SCD5: variants seen among roughly 807,000 people sequenced by gnomAD.
The protein encoded by SCD5 is stearoyl-CoA desaturase 5, also known as acyl-CoA-desaturase 4.
In SCD5, 20 loss-of-function variants were observed where a neutral mutation model predicts 30.4. The observed-to-expected ratio is 0.66, with a 90% CI of 0.46 to 0.96. The LOEUF (loss-of-function observed/expected upper bound fraction) is 0.96. SCD5 is among the 40% of genes least tolerant of loss of function. The pLI is 0.00. For missense variants in SCD5, 381 were observed against 443.3 expected, an observed-to-expected ratio of 0.86 and a Z score of 1.26; for synonymous variants, 173 against 176.4, an observed-to-expected ratio of 0.98 and a Z score of 0.16.
intron 3 of SCD5, among the ~76,000 whole-genome samples, chr4:82,649,806 T>C (rs1168936821): frequency 6.6e-6 from 1 of 152,192 alleles, no homozygotes; most frequent in Non-Finnish European, 1.5e-5. Flanking sequence ...GGGTCTCCTG[T>C]TGAAACATCC....
rs549883587 is a variant in SCD5 at position 82,751,712 on chromosome 4, T to C, written c.233-46299A>G. On this transcript the variant is annotated intron_variant, in intron 1 of 4. Transcript: ENST00000319540. ...TGCAATCTCCGCGCACTGCAACCTT[T>C]GACTCCCTGGTTCAAGCAATTCTCC... is the stretch of plus-strand genomic sequence containing the variant. Among the ~76,000 whole-genome samples the C allele has an allele frequency of 3.7e-3, 571 of 152,320 alleles. 3 individuals carry two copies. The highest frequency in any genetic ancestry group is 0.013 in the African/African-American group (546 of 41,572).
intron 3 of SCD5, among the ~76,000 whole-genome samples, chr4:82,638,354 T>C (rs892952932): frequency 7.9e-5 from 12 of 151,878 alleles, no homozygotes; most frequent in African/African-American, 2.7e-4. Flanking sequence ...GTGAGCTCCA[T>C]TGACAGGCAT....
chr4:82,691,497 G>A (rs748744729), intron 2 of SCD5, among the ~76,000 whole-genome samples: 1 of 152,184 alleles, frequency 6.6e-6, no homozygotes, highest in Non-Finnish European at 1.5e-5. Context: ...GGTATGAGAT[G>A]AGGTCTAAGA....
intron 1 of SCD5, among the ~76,000 whole-genome samples, chr4:82,798,080 T>TGGGGCGG (rs1436762424): frequency 1.5e-4 from 4 of 25,818 alleles, no homozygotes; most frequent in African/African-American, 4.1e-4. Flanking sequence ...CGCGGCGGGG[T>TGGGGCGG]GGGGGCGGGG....
At chr4:82,666,519 A>C (rs971410395) in intron 3 of SCD5, among the ~76,000 whole-genome samples, 2 of 152,146 alleles carry the variant, frequency 1.3e-5, no homozygotes, top group African/African-American at 2.4e-5. Context: ...CGTCTCAAAA[A>C]AAAAAGAAAG....
rs1259187586 is a variant in SCD5 at position 82,713,810 on chromosome 4, C to T, written c.233-8397G>A. Among the ~76,000 whole-genome samples the T allele has an allele frequency of 3.3e-5, 5 of 152,220 alleles. No homozygotes were observed. The East Asian group carries it at 9.6e-4, about 29-fold the overall frequency. On this transcript the variant is annotated intron_variant, in intron 1 of 4. Coordinates refer to ENST00000319540, the MANE Select transcript of SCD5 (RefSeq NM_001037582.3). The stretch of plus-strand genomic sequence containing the variant: ...TTTCCCCGATCCATATGCGGTCCCT[C>T]TCTCCTAGACATTGACCTCATACCT...
intron 1 of SCD5, among the ~76,000 whole-genome samples, chr4:82,783,437 G>C (rs569386651): frequency 1.3e-5 from 2 of 152,310 alleles, no homozygotes; most frequent in South Asian, 4.1e-4. Flanking sequence ...GATGACATTA[G>C]ACTTTCCACT....
chr4:82,733,580 T>C lies in SCD5; in HGVS notation c.233-28167A>G, dbSNP rs770189049. The stretch of plus-strand genomic sequence containing the variant: ...ACCTTATTATCTTGAAGCCTTCTAA[T>C]GTGTGGAGGGGGAAAAAGAAAAATA... On this transcript the variant is annotated intron_variant, in intron 1 of 4. Coordinates refer to ENST00000319540, the MANE Select transcript of SCD5 (RefSeq NM_001037582.3). 2.6e-5 allele frequency among the ~76,000 whole-genome samples: 4 copies of C among 151,980 alleles called. 1 individual carries two copies. The South Asian group carries it at 8.3e-4, about 31-fold the overall frequency.
intron 2 of SCD5, among the ~76,000 whole-genome samples, chr4:82,695,103 C>T (rs1230709996): frequency 1.3e-5 from 2 of 152,074 alleles, no homozygotes; most frequent in African/African-American, 4.8e-5. Context: ...CTGATGTTAA[C>T]CCCGGGTGGT....
intron 3 of SCD5, among the ~76,000 whole-genome samples, chr4:82,648,897 G>A (rs939490031): frequency 2.0e-5 from 3 of 152,096 alleles, no homozygotes; most frequent in African/African-American, 7.2e-5. Context: ...ACATTGATTC[G>A]AAGATCTCTT....
chr4:82,689,744 TA>T (rs924850054), intron 2 of SCD5, among the ~76,000 whole-genome samples: 1 of 152,156 alleles, frequency 6.6e-6, no homozygotes, highest in Non-Finnish European at 1.5e-5. Flanking sequence ...AATTACAAAA[TA>T]AAAATAGCAA....
intron 3 of SCD5, among the ~76,000 whole-genome samples, chr4:82,638,749 T>G (rs1218606372): frequency 1.3e-5 from 2 of 152,198 alleles, no homozygotes; most frequent in Non-Finnish European, 2.9e-5. Context: ...ATGAGTGTCT[T>G]GAGAAGTACC....
rs191270187 is a variant in SCD5, at chr4:82,735,157, G to C, written c.233-29744C>G. Among the ~76,000 whole-genome samples the C allele has an allele frequency of 2.4e-4, 37 of 152,354 alleles. No homozygotes were observed. In the East Asian group the frequency reaches 5.2e-3, roughly 21 times the overall value. ...CATGGTTTTGTTACAATGTTGATGA[G>C]ATTTTTGAAAATTGATTCCCAGCCG... On this transcript the variant is annotated intron_variant, in intron 1 of 4. Coordinates refer to ENST00000319540, the MANE Select transcript of SCD5 (RefSeq NM_001037582.3).
rs778480466 is a variant in SCD5 at position 82,720,441 on chromosome 4, T to TACAAAAAAAAAAAAAAAAAAAAAAAAAA, written c.233-15029_233-15028insTTTTTTTTTTTTTTTTTTTTTTTTTTGT. 5.7e-4 allele frequency among the ~76,000 whole-genome samples: 44 copies of TACAAAAAAAAAAAAAAAAAAAAAAAAAA among 77,824 alleles called. 2 individuals are homozygous for TACAAAAAAAAAAAAAAAAAAAAAAAAAA. Among genetic ancestry groups the TACAAAAAAAAAAAAAAAAAAAAAAAAAA allele is most frequent in the African/African-American group, 7.0e-4 (13 of 18,694 alleles). 51.1% of individuals were successfully genotyped at this position (77,824 alleles called of 152,430 possible). ...GATGCTGTCTCAAAAAAGGCAAAAA[T>TACAAAAAAAAAAAAAAAAAAAAAAAAAA]AAAAAAAAAAAAAAAAAAAAAAGAC... On this transcript the variant is annotated intron_variant, in intron 1 of 4. Transcript: ENST00000319540.
intron 3 of SCD5, chr4:82,661,010 A>G: frequency 6.2e-7 from 1 of 1,614,116 alleles, no homozygotes; most frequent in Non-Finnish European, 8.5e-7. Context: ...CCTTGATGCC[A>G]TTCACGAAGC....
At chr4:82,724,797 C>T (rs1720438029) in intron 1 of SCD5, among the ~76,000 whole-genome samples, 1 of 152,210 alleles carries the variant, frequency 6.6e-6, no homozygotes, top group African/African-American at 2.4e-5. Context: ...GTCGTTGTGC[C>T]TGTGAGCAGT....
In SCD5 at chr4:82,751,126, CATA is replaced by C. The variant is rs533142530; in HGVS notation, c.233-45716_233-45714del. The stretch of plus-strand genomic sequence containing the variant: ...CCCATCATAAAGCATACAATAAGCC[CATA>C]ATAAGTATCGGTGGAATAAATAAAT... On this transcript the variant is annotated intron_variant, in intron 1 of 4. Transcript: ENST00000319540. Among the ~76,000 whole-genome samples, 324 of 152,240 alleles carry C rather than the reference CATA, an allele frequency of 2.1e-3. 1 individual carries two copies. The highest frequency in any genetic ancestry group is 7.4e-3 in the African/African-American group (307 of 41,548).
intron 1 of SCD5, among the ~76,000 whole-genome samples, chr4:82,789,157 T>C (rs1176107084): frequency 3.3e-5 from 5 of 152,234 alleles, no homozygotes; most frequent in Non-Finnish European, 7.3e-5. Flanking sequence ...CAGAGTCTCC[T>C]TGCTATTTTT....
At chr4:82,687,848 T>C (rs1032440455) in intron 2 of SCD5, among the ~76,000 whole-genome samples, 1 of 152,186 alleles carries the variant, frequency 6.6e-6, no homozygotes, top group African/African-American at 2.4e-5. Flanking sequence ...CCAGCTTCCT[T>C]TTATGTTCAA....
Sources: allele counts gnomAD v4.1 joint callset (sites outside exome capture counted in the v4.1 genomes callset), GRCh38; gene constraint gnomAD v4.1.1; transcripts MANE v1.5; gene names NCBI Gene and HGNC (gene_info 2026-07-23, HGNC 2026-07-21).